The following PHTF2 variants were observed in gnomAD, a reference collection of about 807,000 sequenced individuals.
The protein encoded by PHTF2 is protein PHTF2.
PHTF2 carries 60 observed loss-of-function variants against 101.2 expected under a neutral mutation model. The observed-to-expected ratio is 0.59, with a 90% confidence interval of 0.48 to 0.73. The LOEUF (loss-of-function observed/expected upper bound fraction) is 0.73, where lower values mean the gene tolerates loss of function less well. Ranked by LOEUF, PHTF2 falls within the 30% of genes least tolerant of loss-of-function variation. The pLI, the probability that PHTF2 is intolerant of heterozygous loss-of-function variation, is 0.00. For synonymous variants in PHTF2, 311 were observed against 307.3 expected (o/e 1.01, Z -0.13); for missense variants, 747 against 908.7 (o/e 0.82, Z 2.29).
In PHTF2 at chr7:77,830,584, T is replaced by G. The variant is rs145085478; in HGVS notation, c.-35-9637T>G. Among the ~76,000 whole-genome samples the G allele has an allele frequency of 1.8e-3, 275 of 152,254 alleles. 2 individuals are homozygous for G. Among genetic ancestry groups the G allele is most frequent in the African/African-American group, 6.2e-3 (259 of 41,548 alleles). ...TATGTGAGAGATCTCGGTTGCATGC[T>G]TCTTATGAGAGTCTAATGCCTGATT... is the stretch of plus-strand genomic sequence containing the variant. On this transcript the variant is annotated intron_variant, in intron 1 of 19. Coordinates refer to ENST00000416283, the Ensembl canonical transcript of PHTF2.
intron 5 of PHTF2, among the ~76,000 whole-genome samples, chr7:77,898,062 G>A (rs1801039866): frequency 6.6e-6 from 1 of 151,324 alleles, no homozygotes; most frequent in Admixed American, 6.6e-5. Context: ...ATTGAAACTG[G>A]CTATTAGGGT....
intron 3 of PHTF2, among the ~76,000 whole-genome samples, chr7:77,886,107 C>T (rs115222824): frequency 0.02 from 3,099 of 152,184 alleles, 90 homozygotes; most frequent in African/African-American, 0.07. Context: ...AATCTTTTAT[C>T]TAAGCACTCA....
rs71082798 is a variant in PHTF2, at chr7:77,947,837, C to CTT, written c.1960-1824_1960-1823dup. ...TTATTTTCTTTTTTCTTTTTTCTTT[C>CTT]TTTTTTTTTTTTTTTTTTGAGACAG... On this transcript the variant is annotated intron_variant, in intron 16 of 19. Coordinates refer to ENST00000416283, the Ensembl canonical transcript of PHTF2. 4.1e-3 allele frequency among the ~76,000 whole-genome samples: 299 copies of CTT among 73,794 alleles called. 27 individuals carry two copies. Among genetic ancestry groups the CTT allele is most frequent in the African/African-American group, 0.014 (241 of 17,466 alleles). The allele number at this position is 73,794 out of a possible 152,430, so 48.4% of individuals were successfully genotyped here.
Position 77,818,796 on chromosome 7 carries a change from T to C in PHTF2, c.-36+19825T>C, listed in dbSNP as rs1584385566. Among the ~76,000 whole-genome samples the C allele has an allele frequency of 5.3e-5, 8 of 152,316 alleles. No individual in the cohort carries two copies. In the South Asian group the frequency reaches 1.7e-3, roughly 32 times the overall value. On this transcript the variant is annotated intron_variant, in intron 1 of 19. Transcript: ENST00000416283. ...TCTGTTTCTGTGAAGAAAGTAATTG[T>C]TATTTTGACATGTGCATTGACTCTG...
chr7:77,809,351 C>G (rs933226676), intron 1 of PHTF2, among the ~76,000 whole-genome samples: 1 of 151,578 alleles, frequency 6.6e-6, no homozygotes, highest in African/African-American at 2.4e-5. Flanking sequence ...CTCAGCCTCC[C>G]AAATAGCTGG....
At chr7:77,931,535 TATTG>T (rs1299361150) in intron 12 of PHTF2, among the ~76,000 whole-genome samples, 1 of 152,214 alleles carries the variant, frequency 6.6e-6, no homozygotes, top group African/African-American at 2.4e-5. Context: ...TACTACTTAA[TATTG>T]ATCAAATTGT....
At chr7:77,801,486 T>C (rs1436501129) in intron 1 of PHTF2, among the ~76,000 whole-genome samples, 1 of 152,122 alleles carries the variant, frequency 6.6e-6, no homozygotes. Context: ...CTCGGGAGGC[T>C]GATACAGGAG....
intron 1 of PHTF2, among the ~76,000 whole-genome samples, chr7:77,816,295 A>C (rs1294357094): frequency 6.6e-6 from 1 of 151,952 alleles, no homozygotes; most frequent in African/African-American, 2.4e-5. Context: ...GGCTGGTCTC[A>C]AACTCCTGAC....
intron 2 of PHTF2, among the ~76,000 whole-genome samples, chr7:77,844,174 T>A (rs1796095748): frequency 6.6e-6 from 1 of 152,058 alleles, no homozygotes; most frequent in Admixed American, 6.6e-5. Context: ...ACTTTTGTAT[T>A]TTTTTGACGG....
intron 1 of PHTF2, among the ~76,000 whole-genome samples, chr7:77,807,332 G>A (rs966392031): frequency 6.6e-6 from 1 of 151,886 alleles, no homozygotes; most frequent in Non-Finnish European, 1.5e-5. Context: ...AGTGCACAAA[G>A]GCTCCAGTTG....
intron 12 of PHTF2, among the ~76,000 whole-genome samples, chr7:77,932,602 A>AAGAGAGAG (rs777881524): frequency 7.7e-6 from 1 of 130,062 alleles, no homozygotes. Context: ...GAGAGAGAGA[A>AAGAGAGAG]AGAGAGAGAG....
At chr7:77,922,706 T>C (rs747994137) in exon 11 of PHTF2, 1 of 1,610,126 alleles carries the variant, frequency 6.2e-7, no homozygotes, top group Non-Finnish European at 8.5e-7. Flanking sequence ...TACGTCGTCA[T>C]GTGGACAGGA....
chr7:77,832,794 A>T (rs1178023189), intron 1 of PHTF2, among the ~76,000 whole-genome samples: 1 of 151,946 alleles, frequency 6.6e-6, no homozygotes, highest in East Asian at 1.9e-4. Flanking sequence ...GAGTTGTATA[A>T]TTATTTCATT....
At chr7:77,807,240 A>G (rs1793063481) in intron 1 of PHTF2, among the ~76,000 whole-genome samples, 1 of 152,102 alleles carries the variant, frequency 6.6e-6, no homozygotes, top group Non-Finnish European at 1.5e-5. Flanking sequence ...ATTGTTTTGG[A>G]TATATACACA....
intron 1 of PHTF2, among the ~76,000 whole-genome samples, chr7:77,818,985 C>A (rs77224080): frequency 6.6e-6 from 1 of 152,042 alleles, no homozygotes; most frequent in Admixed American, 6.5e-5. Context: ...CCTAGGTATT[C>A]TTTTGTTGTT....
intron 1 of PHTF2, among the ~76,000 whole-genome samples, chr7:77,837,215 A>G (rs1413786547): frequency 1.3e-5 from 2 of 152,158 alleles, no homozygotes; most frequent in African/African-American, 4.8e-5. Context: ...TAGGTTTTTT[A>G]TGCTTTTTTC....
At chr7:77,945,578 A>G (rs1805982176) in intron 16 of PHTF2, among the ~76,000 whole-genome samples, 1 of 152,182 alleles carries the variant, frequency 6.6e-6, no homozygotes, top group South Asian at 2.1e-4. Context: ...AAAATCTTAT[A>G]TATTTGGAGA....
In PHTF2 at chr7:77,947,837, C is replaced by CTTTTTTTTTTTTTTTTTTTTTTTTT. The variant is rs71082798; in HGVS notation, c.1960-1823_1960-1822insTTTTTTTTTTTTTTTTTTTTTTTTT. ...TTATTTTCTTTTTTCTTTTTTCTTT[C>CTTTTTTTTTTTTTTTTTTTTTTTTT]TTTTTTTTTTTTTTTTTTGAGACAG... On this transcript the variant is annotated intron_variant, in intron 16 of 19. Coordinates refer to ENST00000416283, the Ensembl canonical transcript of PHTF2. Among the ~76,000 whole-genome samples the CTTTTTTTTTTTTTTTTTTTTTTTTT allele has an allele frequency of 4.3e-4, 32 of 73,796 alleles. 4 individuals carry two copies. Among genetic ancestry groups the CTTTTTTTTTTTTTTTTTTTTTTTTT allele is most frequent in the African/African-American group, 7.4e-4 (13 of 17,474 alleles). The allele number at this position is 73,796 out of a possible 152,430, so 48.4% of individuals were successfully genotyped here.
intron 11 of PHTF2, chr7:77,923,433 G>T: frequency 5.1e-6 from 5 of 984,848 alleles, no homozygotes. Flanking sequence ...TTTTTTCCTT[G>T]ATGGTTTTGG....
Sources: allele counts gnomAD v4.1 joint callset (sites outside exome capture counted in the v4.1 genomes callset), GRCh38; gene constraint gnomAD v4.1.1; transcripts MANE v1.5; gene names NCBI Gene and HGNC (gene_info 2026-07-23, HGNC 2026-07-21).